Variants in CNTNAP5 observed in about 807,000 individuals in gnomAD.
CNTNAP5 encodes the protein contactin-associated protein-like 5.
Under a neutral mutation model 150.2 loss-of-function variants are expected in CNTNAP5, and 72 were observed. The observed-to-expected ratio is 0.48, with a 90% CI of 0.40 to 0.58. The LOEUF is 0.58. Ranked by LOEUF, CNTNAP5 falls within the 20% of genes least tolerant of loss-of-function variation. The pLI, the probability that CNTNAP5 is intolerant of heterozygous loss-of-function variation, is 0.00. For synonymous variants in CNTNAP5, 672 were observed against 619.8 expected (o/e 1.08, Z -1.25); for missense variants, 1,636 against 1,626.2 (o/e 1.01, Z -0.10).
chr2:124,139,263 A>AACACACACACAC (rs3063402), intron 1 of CNTNAP5, among the ~76,000 whole-genome samples: 1 of 149,198 alleles, frequency 6.7e-6, no homozygotes, highest in African/African-American at 2.5e-5. Flanking sequence ...TTTCTACCCC[A>AACACACACACAC]ACACACACAC....
intron 1 of CNTNAP5, among the ~76,000 whole-genome samples, chr2:124,216,015 T>C (rs1220657309): frequency 6.6e-6 from 1 of 151,838 alleles, no homozygotes; most frequent in Non-Finnish European, 1.5e-5. Flanking sequence ...CTCCCTAAGC[T>C]CCCCCCAAAC....
chr2:124,646,944 G>T (rs973986903), intron 12 of CNTNAP5, among the ~76,000 whole-genome samples: 1 of 152,120 alleles, frequency 6.6e-6, no homozygotes, highest in African/African-American at 2.4e-5. Flanking sequence ...CTGCACTCTA[G>T]CCAGGGCAAC....
At chr2:124,282,773 G>T (rs1051281209) in intron 3 of CNTNAP5, among the ~76,000 whole-genome samples, 1 of 152,126 alleles carries the variant, frequency 6.6e-6, no homozygotes, top group African/African-American at 2.4e-5. Context: ...GGCTCTGAAA[G>T]AACAGTTTTT....
chr2:124,181,564 T>G (rs1375653433), intron 1 of CNTNAP5, among the ~76,000 whole-genome samples: 2 of 152,176 alleles, frequency 1.3e-5, no homozygotes, highest in African/African-American at 4.8e-5. Context: ...GCTAACAGGT[T>G]AAGTGGATAA....
At chr2:124,687,632 G>C (rs1285182438) in intron 13 of CNTNAP5, among the ~76,000 whole-genome samples, 1 of 151,984 alleles carries the variant, frequency 6.6e-6, no homozygotes, top group Non-Finnish European at 1.5e-5. Flanking sequence ...GGTACTTCCT[G>C]ATCATGGAAA....
intron 13 of CNTNAP5, among the ~76,000 whole-genome samples, chr2:124,704,229 A>T (rs1212363573): frequency 6.6e-6 from 1 of 152,184 alleles, no homozygotes; most frequent in Non-Finnish European, 1.5e-5. Context: ...CTCAGCTTAG[A>T]CTTTTCTCTA....
At chr2:124,478,092 G>T (rs567454459) in intron 7 of CNTNAP5, among the ~76,000 whole-genome samples, 1 of 151,902 alleles carries the variant, frequency 6.6e-6, no homozygotes, top group Admixed American at 6.6e-5. Flanking sequence ...CGATAAGATA[G>T]ATTGGAGTTA....
At chr2:124,556,322 G>T (rs927681117) in intron 10 of CNTNAP5, among the ~76,000 whole-genome samples, 1 of 152,078 alleles carries the variant, frequency 6.6e-6, no homozygotes, top group African/African-American at 2.4e-5. Flanking sequence ...TCCCAGATGT[G>T]ATTGTGAGCA....
chr2:124,126,600 C>T (rs1220850174), intron 1 of CNTNAP5, among the ~76,000 whole-genome samples: 1 of 149,972 alleles, frequency 6.7e-6, no homozygotes, highest in Admixed American at 6.7e-5. Context: ...GGCAGAGACA[C>T]AACAAAAAAA....
chr2:124,786,086 C>T (rs1681560930), intron 17 of CNTNAP5, among the ~76,000 whole-genome samples: 1 of 151,660 alleles, frequency 6.6e-6, no homozygotes, highest in Non-Finnish European at 1.5e-5. Context: ...ATTAAATAAA[C>T]AAATAATAAA....
chr2:124,299,192 A>G (rs1397543305), intron 3 of CNTNAP5, among the ~76,000 whole-genome samples: 1 of 152,182 alleles, frequency 6.6e-6, no homozygotes, highest in Non-Finnish European at 1.5e-5. Context: ...GCTCTTCCCC[A>G]CTGCAATTGG....
At chr2:124,599,993 C>T (rs1696946297) in intron 11 of CNTNAP5, among the ~76,000 whole-genome samples, 1 of 151,716 alleles carries the variant, frequency 6.6e-6, no homozygotes, top group Non-Finnish European at 1.5e-5. Context: ...TCAGAGCTTA[C>T]CTTAGATTAG....
At chr2:124,704,540 A>T (rs1248325157) in intron 13 of CNTNAP5, among the ~76,000 whole-genome samples, 1 of 152,230 alleles carries the variant, frequency 6.6e-6, no homozygotes, top group East Asian at 1.9e-4. Context: ...AGAATGTGTT[A>T]TATCATAGGG....
At chr2:124,897,250 T>G (rs2104754347) in intron 21 of CNTNAP5, among the ~76,000 whole-genome samples, 1 of 151,650 alleles carries the variant, frequency 6.6e-6, no homozygotes, top group Non-Finnish European at 1.5e-5. Context: ...TTGATCACTG[T>G]TACCCTAGAT....
intron 3 of CNTNAP5, among the ~76,000 whole-genome samples, chr2:124,309,608 T>A (rs1270457166): frequency 6.6e-6 from 1 of 152,216 alleles, no homozygotes; most frequent in Non-Finnish European, 1.5e-5. Context: ...CCAATGATGA[T>A]GTAAGGTCCC....
chr2:124,337,019 C>T (rs1232251305), intron 3 of CNTNAP5, among the ~76,000 whole-genome samples: 1 of 152,186 alleles, frequency 6.6e-6, no homozygotes, highest in Non-Finnish European at 1.5e-5. Context: ...TATTTCTCCA[C>T]ATCCTCTCTA....
intron 3 of CNTNAP5, among the ~76,000 whole-genome samples, chr2:124,351,836 T>G (rs1419403543): frequency 6.6e-6 from 1 of 152,220 alleles, no homozygotes; most frequent in African/African-American, 2.4e-5. Flanking sequence ...ACTTATAACT[T>G]AATTTCTGTA....
chr2:124,286,444 C>T (rs949239381), intron 3 of CNTNAP5, among the ~76,000 whole-genome samples: 9 of 152,190 alleles, frequency 5.9e-5, no homozygotes, highest in Admixed American at 4.6e-4. Flanking sequence ...ATCCTAATTT[C>T]GTTGTTCTGG....
chr2:124,244,159 G>A (rs1406243049), intron 3 of CNTNAP5, among the ~76,000 whole-genome samples: 2 of 152,046 alleles, frequency 1.3e-5, no homozygotes, highest in African/African-American at 2.4e-5. Context: ...CCTGGGTTGG[G>A]ATGTATTTCG....
Sources: gnomAD v4.1 joint callset for allele counts (sites outside exome capture counted in the v4.1 genomes callset) on GRCh38, gnomAD v4.1.1 for gene constraint, MANE v1.5 for transcripts, NCBI Gene and HGNC (gene_info 2026-07-23, HGNC 2026-07-21) for gene names.